Variants in GPM6A observed in about 807,000 individuals in gnomAD.
GPM6A encodes the protein glycoprotein M6A, also known as neuronal membrane glycoprotein M6-a.
In GPM6A, 7 loss-of-function variants were observed where a neutral mutation model predicts 32.1. The observed-to-expected ratio is 0.22, with a 90% confidence interval of 0.12 to 0.41. The LOEUF is 0.41. GPM6A is among the 10% of genes least tolerant of loss of function. The pLI, the probability that GPM6A is intolerant of heterozygous loss-of-function variation, is 1.00. For synonymous variants in GPM6A, 130 were observed against 123.4 expected (o/e 1.05, Z -0.35); for missense variants, 235 against 347.2 (o/e 0.68, Z 2.57).
intron 1 of GPM6A, among the ~76,000 whole-genome samples, chr4:175,989,860 T>C (rs1741084110): frequency 6.6e-6 from 1 of 152,164 alleles, no homozygotes; most frequent in Admixed American, 6.6e-5. Flanking sequence ...AACTGAATAA[T>C]CATAAATGTT....
At chr4:175,912,606 G>A (rs1738357989) in intron 1 of GPM6A, among the ~76,000 whole-genome samples, 1 of 152,136 alleles carries the variant, frequency 6.6e-6, no homozygotes. Flanking sequence ...AGTAAGCCAA[G>A]ATCACACCAT....
chr4:175,794,223 A>G (rs1734125306), intron 1 of GPM6A, among the ~76,000 whole-genome samples: 1 of 152,164 alleles, frequency 6.6e-6, no homozygotes, highest in Admixed American at 6.5e-5. Context: ...TCTTATTTGT[A>G]TAGTTATTGT....
intron 1 of GPM6A, among the ~76,000 whole-genome samples, chr4:175,780,473 T>C (rs538167039): frequency 1.2e-3 from 184 of 152,266 alleles, no homozygotes; most frequent in African/African-American, 4.2e-3. Context: ...TGGCACAGAG[T>C]AGACACTCAA....
intron 1 of GPM6A, among the ~76,000 whole-genome samples, chr4:175,760,311 G>A (rs904179719): frequency 1.3e-5 from 2 of 152,164 alleles, no homozygotes; most frequent in African/African-American, 2.4e-5. Context: ...CCAAGAATAG[G>A]TAGGTGTTTA....
intron 1 of GPM6A, among the ~76,000 whole-genome samples, chr4:175,703,395 C>CT (rs1744989780): frequency 6.6e-6 from 1 of 152,080 alleles, no homozygotes; most frequent in African/African-American, 2.4e-5. Flanking sequence ...TGATCTCAAA[C>CT]CTTGACCTCA....
intron 1 of GPM6A, among the ~76,000 whole-genome samples, chr4:175,898,493 C>T (rs1426885185): frequency 6.6e-6 from 1 of 152,108 alleles, no homozygotes; most frequent in African/African-American, 2.4e-5. Flanking sequence ...GTAGATTCAG[C>T]TCCAGTAAGA....
Position 175,923,584 on chromosome 4 carries a change from G to C in GPM6A, c.-23+78725C>G, listed in dbSNP as rs539560215. ...TTTGTTTGTTTTTAAGACAAGATCGGGCTCTCTTGCCCAGGCTGGAGTGCA... is the reference window on the plus strand; with the variant it reads ...TTTGTTTGTTTTTAAGACAAGATCGCGCTCTCTTGCCCAGGCTGGAGTGCA... On this transcript the variant is annotated intron_variant, in intron 1 of 7. Transcript: ENST00000280187. Among the ~76,000 whole-genome samples, 395 of 151,612 alleles carry C rather than the reference G, an allele frequency of 2.6e-3. 4 individuals carry two copies. Among genetic ancestry groups the C allele is most frequent in the African/African-American group, 9.1e-3 (376 of 41,350 alleles).
At chr4:175,868,777 T>A (rs1579581326) in intron 1 of GPM6A, among the ~76,000 whole-genome samples, 1 of 152,346 alleles carries the variant, frequency 6.6e-6, no homozygotes, top group East Asian at 1.9e-4. Context: ...CAGTAACAAT[T>A]TTTGTAAATG....
At chr4:175,845,312 G>A (rs866807575) in intron 1 of GPM6A, among the ~76,000 whole-genome samples, 22 of 152,174 alleles carry the variant, frequency 1.4e-4, no homozygotes, top group African/African-American at 4.8e-4. Flanking sequence ...AGACAATGGT[G>A]TGACCCACGT....
intron 1 of GPM6A, chr4:175,801,121 A>C (rs921972256): frequency 2.0e-5 from 3 of 152,350 alleles, no homozygotes; most frequent in Admixed American, 1.3e-4. Flanking sequence ...TAAAGTCTTC[A>C]AATAGTTTGC....
intron 1 of GPM6A, among the ~76,000 whole-genome samples, chr4:175,916,362 T>C (rs1254539624): frequency 6.6e-6 from 1 of 152,230 alleles, no homozygotes. Context: ...ATCTAACGTA[T>C]ACAAGCTACT....
intron 2 of GPM6A, among the ~76,000 whole-genome samples, chr4:175,698,266 T>A (rs1219662951): frequency 3.9e-5 from 6 of 152,188 alleles, no homozygotes; most frequent in Admixed American, 2.6e-4. Context: ...GTAGGAGTGA[T>A]GAATTTGGTT....
intron 4 of GPM6A, chr4:175,641,599 A>C (rs1005523647): frequency 1.3e-5 from 2 of 152,192 alleles, no homozygotes; most frequent in Non-Finnish European, 2.9e-5. Context: ...ACATACAGGC[A>C]TGATAAAACA....
At chr4:175,829,613 A>G (rs1735544174) in intron 1 of GPM6A, among the ~76,000 whole-genome samples, 1 of 149,208 alleles carries the variant, frequency 6.7e-6, no homozygotes, top group Admixed American at 6.7e-5. Flanking sequence ...CAATAACCTT[A>G]TTTCAGAAAA....
intron 1 of GPM6A, among the ~76,000 whole-genome samples, chr4:175,850,366 C>T (rs1268492425): frequency 2.0e-5 from 3 of 151,942 alleles, no homozygotes; most frequent in African/African-American, 4.8e-5. Flanking sequence ...AGTGCAGACA[C>T]AAGAAGTTTA....
chr4:175,768,112 G>A (rs898728216), intron 1 of GPM6A, among the ~76,000 whole-genome samples: 2 of 152,160 alleles, frequency 1.3e-5, no homozygotes, highest in African/African-American at 4.8e-5. Flanking sequence ...TATCTAGAAA[G>A]GGGAAGAATT....
At chr4:175,953,307 C>A (rs1043796482) in intron 1 of GPM6A, among the ~76,000 whole-genome samples, 1 of 152,022 alleles carries the variant, frequency 6.6e-6, no homozygotes, top group Non-Finnish European at 1.5e-5. Flanking sequence ...CAATTTTCCA[C>A]AGAGAAGTAG....
chr4:175,828,374 G>A (rs1735502897), intron 1 of GPM6A, among the ~76,000 whole-genome samples: 1 of 152,118 alleles, frequency 6.6e-6, no homozygotes, highest in African/African-American at 2.4e-5. Flanking sequence ...TTTGTTATGT[G>A]CTTGAACTTT....
rs1468522846 is a variant in GPM6A at position 175,784,768 on chromosome 4, C to G, written c.37+27423G>C. Among the ~76,000 whole-genome samples the G allele has an allele frequency of 2.6e-5, 4 of 151,980 alleles. No homozygotes were observed. In the East Asian group the frequency reaches 7.8e-4, roughly 29 times the overall value. On this transcript the variant is annotated intron_variant, in intron 1 of 6. Coordinates refer to ENST00000393658, the MANE Select transcript of GPM6A (RefSeq NM_201591.3). The stretch of plus-strand genomic sequence containing the variant: ...TTGTGTAATCATATATGAGAATGAA[C>G]AGTATTGCTAGAGGCTGAGGCAATA...
Sources: allele counts gnomAD v4.1 joint callset (sites outside exome capture counted in the v4.1 genomes callset), GRCh38; gene constraint gnomAD v4.1.1; transcripts MANE v1.5; gene names NCBI Gene and HGNC (gene_info 2026-07-23, HGNC 2026-07-21).